The following TSHR variants were observed in gnomAD, a reference collection of about 807,000 sequenced individuals.
TSHR encodes the protein thyroid stimulating hormone receptor, also known as thyrotropin receptor.
Under a neutral mutation model 64.1 loss-of-function variants are expected in TSHR, and 51 were observed. The observed-to-expected ratio is 0.80, with a 90% CI of 0.64 to 1.01. The LOEUF (loss-of-function observed/expected upper bound fraction) is 1.01, where lower values mean the gene tolerates loss of function less well. TSHR is among the 50% of genes least tolerant of loss of function. TSHR has a pLI of 0.00. For synonymous variants in TSHR, 361 were observed against 361.9 expected, an observed-to-expected ratio of 1.00 and a Z score of 0.03; for missense variants, 877 against 942.8, an observed-to-expected ratio of 0.93 and a Z score of 0.91.
chr14:81,128,631 T>C (rs1891112061), intron 8 of TSHR, among the ~76,000 whole-genome samples: 2 of 152,142 alleles, frequency 1.3e-5, no homozygotes, highest in South Asian at 4.1e-4. Context: ...TCCTACCTCC[T>C]ATTTCTTTCC....
At chr14:81,018,917 C>T (rs116394538) in intron 1 of TSHR, among the ~76,000 whole-genome samples, 1,804 of 152,234 alleles carry the variant, frequency 0.012, 21 homozygotes, top group African/African-American at 0.016. Flanking sequence ...TGCAGATCAA[C>T]TTAGTGAAAG....
At chr14:80,973,830 T>G (rs934574252) in intron 1 of TSHR, among the ~76,000 whole-genome samples, 1 of 152,134 alleles carries the variant, frequency 6.6e-6, no homozygotes, top group African/African-American at 2.4e-5. Flanking sequence ...AATTGGAAAA[T>G]GTTTAAATGA....
intron 3 of TSHR, among the ~76,000 whole-genome samples, chr14:81,074,671 T>C (rs1021774824): frequency 1.3e-5 from 2 of 152,236 alleles, no homozygotes; most frequent in Admixed American, 6.5e-5. Context: ...ACTAAACTTA[T>C]GAATACACAT....
At chr14:81,069,628 C>CT (rs1886915145) in intron 3 of TSHR, among the ~76,000 whole-genome samples, 1 of 152,114 alleles carries the variant, frequency 6.6e-6, no homozygotes, top group Admixed American at 6.5e-5. Context: ...AAATAAAACT[C>CT]TGAGTTCCGG....
chr14:80,977,192 C>A (rs549085963), intron 1 of TSHR, among the ~76,000 whole-genome samples: 3 of 152,328 alleles, frequency 2.0e-5, no homozygotes, highest in East Asian at 3.9e-4. Context: ...TTCAAATCCT[C>A]CAGCTAGTAG....
At chr14:81,057,589 T>G (rs190444947) in intron 1 of TSHR, among the ~76,000 whole-genome samples, 128 of 152,378 alleles carry the variant, frequency 8.4e-4, no homozygotes, top group Non-Finnish European at 1.5e-3. Context: ...GAATACTTTC[T>G]ATACTCACAT....
chr14:80,979,818 T>G (rs999389483), intron 1 of TSHR, among the ~76,000 whole-genome samples: 3 of 152,238 alleles, frequency 2.0e-5, no homozygotes, highest in Non-Finnish European at 2.9e-5. Flanking sequence ...TCATTTGTTT[T>G]CATCTGAGTT....
intron 6 of TSHR, 22 bp downstream of exon 6, chr14:81,092,630 C>A: frequency 6.2e-7 from 1 of 1,605,756 alleles, no homozygotes; most frequent in Non-Finnish European, 8.5e-7. Context: ...CAGTTCTACT[C>A]CCTCCATCAA....
chr14:81,048,023 A>G (rs191877737), intron 1 of TSHR, among the ~76,000 whole-genome samples: 14 of 152,262 alleles, frequency 9.2e-5, no homozygotes, highest in Admixed American at 2.6e-4. Flanking sequence ...AAGACCCCAT[A>G]TATTATAATT....
At chr14:81,085,153 G>C (rs750815581) in intron 3 of TSHR, among the ~76,000 whole-genome samples, 1 of 151,980 alleles carries the variant, frequency 6.6e-6, no homozygotes, top group Non-Finnish European at 1.5e-5. Context: ...GTAAAAACAG[G>C]GTTTCACCAC....
chr14:81,061,335 T>G (rs753715047), intron 1 of TSHR, among the ~76,000 whole-genome samples: 2 of 152,116 alleles, frequency 1.3e-5, no homozygotes, highest in Admixed American at 6.6e-5. Flanking sequence ...TATATTATGT[T>G]GTTCGCACGA....
At chr14:80,980,012 C>T (rs1379121134) in intron 1 of TSHR, among the ~76,000 whole-genome samples, 9 of 152,298 alleles carry the variant, frequency 5.9e-5, no homozygotes, top group South Asian at 2.1e-4. Flanking sequence ...ATGAAGTCCC[C>T]GTGATCTGGC....
chr14:81,002,781 C>CTTTTTTTTTTTTTTTTTTTTTT (rs1174635270), intron 1 of TSHR, among the ~76,000 whole-genome samples: 7 of 44,326 alleles, frequency 1.6e-4, no homozygotes, highest in Non-Finnish European at 2.0e-4. Context: ...CCTAATGCCT[C>CTTTTTTTTTTTTTTTTTTTTTT]TTTTTTTTTT....
chr14:81,086,929 G>A (rs1425671547), intron 3 of TSHR, among the ~76,000 whole-genome samples: 1 of 152,250 alleles, frequency 6.6e-6, no homozygotes, highest in East Asian at 1.9e-4. Context: ...GGAGCAAGTG[G>A]AGACTAACTG....
intron 4 of TSHR, among the ~76,000 whole-genome samples, chr14:81,090,442 G>A (rs1336185550): frequency 1.3e-5 from 2 of 152,092 alleles, no homozygotes; most frequent in African/African-American, 4.8e-5. Flanking sequence ...ACAGGGTTTC[G>A]CCATGTTAGG....
chr14:81,093,560 C>A (rs1163626461), intron 6 of TSHR: 1 of 152,170 alleles, frequency 6.6e-6, no homozygotes, highest in African/African-American at 2.4e-5. Flanking sequence ...TTATCAGATA[C>A]AAACCTGATC....
intron 1 of TSHR, among the ~76,000 whole-genome samples, chr14:81,045,326 T>G (rs1021108535): frequency 6.6e-6 from 1 of 152,216 alleles, no homozygotes; most frequent in African/African-American, 2.4e-5. Context: ...TGGTATTAGT[T>G]CTTTATACAT....
At chr14:81,141,932 A>G (rs1891705591) in intron 9 of TSHR, among the ~76,000 whole-genome samples, 1 of 152,190 alleles carries the variant, frequency 6.6e-6, no homozygotes, top group Non-Finnish European at 1.5e-5. Context: ...GAGCCTTAAA[A>G]AGATAAATTC....
intron 6 of TSHR, chr14:81,094,217 G>C (rs564116745): frequency 6.6e-6 from 1 of 152,306 alleles, no homozygotes; most frequent in South Asian, 2.1e-4. Context: ...CTTTGTACCT[G>C]TATTCCTGGT....
Sources: gnomAD v4.1 joint callset for allele counts (sites outside exome capture counted in the v4.1 genomes callset) on GRCh38, gnomAD v4.1.1 for gene constraint, MANE v1.5 for transcripts, NCBI Gene and HGNC (gene_info 2026-07-23, HGNC 2026-07-21) for gene names.